EXOC4: variants seen among roughly 807,000 people sequenced by gnomAD.
EXOC4 encodes exocyst complex component 4.
EXOC4 carries 71 observed loss-of-function variants against 107.2 expected under a neutral mutation model. That is an observed-to-expected ratio of 0.66 (90% CI 0.55 to 0.81). The LOEUF is 0.81. EXOC4 is among the 30% of genes least tolerant of loss of function. The probability of loss-of-function intolerance (pLI) is 0.00; values close to 1 mark genes in which losing one functional copy is unlikely to be tolerated. For synonymous variants in EXOC4, 456 were observed against 441.2 expected (o/e 1.03, Z -0.42); for missense variants, 1,108 against 1,189.6 (o/e 0.93, Z 1.01).
At chr7:133,559,751 A>G (rs538283625) in intron 9 of EXOC4, among the ~76,000 whole-genome samples, 16 of 152,108 alleles carry the variant, frequency 1.1e-4, no homozygotes, top group African/African-American at 1.7e-4. Flanking sequence ...TTTCTTTTTC[A>G]TATATCGGCT....
At chr7:133,842,440 T>C (rs1349127037) in intron 11 of EXOC4, among the ~76,000 whole-genome samples, 1 of 152,194 alleles carries the variant, frequency 6.6e-6, no homozygotes, top group Non-Finnish European at 1.5e-5. Context: ...TGGCCACATG[T>C]ATGTGTACTT....
chr7:133,747,996 C>G (rs1395672304), intron 10 of EXOC4, among the ~76,000 whole-genome samples: 2 of 152,158 alleles, frequency 1.3e-5, no homozygotes, highest in African/African-American at 4.8e-5. Flanking sequence ...CTCCCTGTCT[C>G]ATACTGAAAA....
intron 14 of EXOC4, among the ~76,000 whole-genome samples, chr7:133,982,380 G>A (rs1239008083): frequency 6.6e-6 from 1 of 152,108 alleles, no homozygotes; most frequent in Non-Finnish European, 1.5e-5. Flanking sequence ...GTGAAACCAC[G>A]TCTCTACTAA....
intron 10 of EXOC4, among the ~76,000 whole-genome samples, chr7:133,745,790 A>G (rs1226791012): frequency 7.6e-6 from 1 of 131,992 alleles, no homozygotes; most frequent in Non-Finnish European, 1.6e-5. Context: ...GTTGGTTTTG[A>G]TGGTCTCTCC....
chr7:133,313,741 G>T (rs1393565990), intron 4 of EXOC4, among the ~76,000 whole-genome samples: 1 of 152,186 alleles, frequency 6.6e-6, no homozygotes, highest in African/African-American at 2.4e-5. Context: ...TTACTAGTTG[G>T]ATGTTGGTTA....
intron 15 of EXOC4, among the ~76,000 whole-genome samples, chr7:134,003,933 C>G (rs1181423108): frequency 6.6e-6 from 1 of 152,138 alleles, no homozygotes; most frequent in Non-Finnish European, 1.5e-5. Flanking sequence ...TGTGACCAGA[C>G]TGACACAGGC....
At chr7:133,739,356 C>G (rs1795515541) in intron 10 of EXOC4, among the ~76,000 whole-genome samples, 1 of 151,802 alleles carries the variant, frequency 6.6e-6, no homozygotes, top group African/African-American at 2.4e-5. Context: ...TCAACTCATG[C>G]TGGAGCTTGA....
At chr7:133,895,441 C>G (rs1015117165) in intron 11 of EXOC4, among the ~76,000 whole-genome samples, 158 bp from the exon 12 acceptor site, 1 of 152,210 alleles carries the variant, frequency 6.6e-6, no homozygotes, top group Non-Finnish European at 1.5e-5. Context: ...ATTCGGCCAT[C>G]TTGGCTCCTC....
At position 133,739,222 on chromosome 7, in the gene EXOC4, T is replaced by TTGTGTGTGTG. The variant is rs72444310; in HGVS notation, c.1515-78071_1515-78062dup. 7.9e-3 allele frequency among the ~76,000 whole-genome samples: 1,122 copies of TTGTGTGTGTG among 142,384 alleles called. 10 individuals carry two copies. The highest frequency in any genetic ancestry group is 0.025 in the Middle Eastern group (7 of 282). The allele number at this position is 142,384 out of a possible 152,430, so 93.4% of individuals were successfully genotyped here. On this transcript the variant is annotated intron_variant, in intron 10 of 17. Coordinates refer to ENST00000253861, the MANE Select transcript of EXOC4 (RefSeq NM_021807.4). ...CTTACAGAAGCACATGTAGAGGGGT[T>TTGTGTGTGTG]TGTGTGTGTGTGTGTGTGTGTGTGT...
intron 12 of EXOC4, among the ~76,000 whole-genome samples, chr7:133,915,545 A>G (rs986139951): frequency 1.3e-5 from 2 of 152,204 alleles, no homozygotes; most frequent in African/African-American, 2.4e-5. Flanking sequence ...TTTTAAAGAA[A>G]TAGCTACTAA....
chr7:134,055,124 G>A (rs559466952), intron 17 of EXOC4, among the ~76,000 whole-genome samples: 5 of 152,218 alleles, frequency 3.3e-5, no homozygotes, highest in African/African-American at 7.2e-5. Flanking sequence ...GTTCTTCTAC[G>A]AAATCATTTT....
chr7:133,707,847 C>A (rs1331430571), intron 10 of EXOC4, among the ~76,000 whole-genome samples: 2 of 152,114 alleles, frequency 1.3e-5, no homozygotes, highest in African/African-American at 4.8e-5. Context: ...AACTCCTGAC[C>A]TCCCAAAATG....
intron 14 of EXOC4, among the ~76,000 whole-genome samples, chr7:133,985,554 C>T (rs1794094412): frequency 6.6e-6 from 1 of 152,178 alleles, no homozygotes; most frequent in Non-Finnish European, 1.5e-5. Context: ...ACCAGAAGCT[C>T]CTCTAGGGCC....
intron 9 of EXOC4, among the ~76,000 whole-genome samples, chr7:133,530,386 A>G (rs1334609107): frequency 6.6e-6 from 1 of 152,210 alleles, no homozygotes; most frequent in Non-Finnish European, 1.5e-5. Context: ...CAGATGGCAT[A>G]GCCTACTACA....
chr7:133,607,935 G>A (rs1801986422), intron 9 of EXOC4, among the ~76,000 whole-genome samples: 1 of 152,190 alleles, frequency 6.6e-6, no homozygotes, highest in East Asian at 1.9e-4. Context: ...AGTGGGGGGA[G>A]CAAGCCAAAA....
intron 7 of EXOC4, among the ~76,000 whole-genome samples, chr7:133,437,775 C>A (rs1584917268): frequency 6.6e-6 from 1 of 152,172 alleles, no homozygotes; most frequent in African/African-American, 2.4e-5. Context: ...TGTTCCCCAT[C>A]TGCTTTTTGT....
At chr7:133,715,093 A>G (rs1265555056) in intron 10 of EXOC4, among the ~76,000 whole-genome samples, 1 of 152,166 alleles carries the variant, frequency 6.6e-6, no homozygotes, top group Admixed American at 6.5e-5. Flanking sequence ...TGTATAAATA[A>G]AGGAGGCTAG....
intron 17 of EXOC4, among the ~76,000 whole-genome samples, chr7:134,035,721 G>T (rs578219702): frequency 1.3e-5 from 2 of 152,066 alleles, no homozygotes; most frequent in Admixed American, 1.3e-4. Flanking sequence ...AAGAACCCAC[G>T]TTCTTGCCAT....
At chr7:134,074,521 G>A in the EXOC4 span, among the ~76,000 whole-genome samples, 25 of 152,342 alleles carry the variant, frequency 1.6e-4, 1 homozygote, top group South Asian at 5.0e-3. Context: ...GAAATGGATA[G>A]AACCTGAGAG....
Sources: gnomAD v4.1 joint callset for allele counts (sites outside exome capture counted in the v4.1 genomes callset) on GRCh38, gnomAD v4.1.1 for gene constraint, MANE v1.5 for transcripts, NCBI Gene and HGNC (gene_info 2026-07-23, HGNC 2026-07-21) for gene names.